Variants in ARSB observed in about 807,000 individuals in gnomAD.
ARSB encodes the protein N-acetylgalactosamine-4-sulfatase.
In ARSB, 41 loss-of-function variants were observed where a neutral mutation model predicts 50.9. The observed-to-expected ratio is 0.81, with a 90% CI of 0.63 to 1.04. The LOEUF is 1.04. Among genes scored for constraint, ARSB ranks in the 50% least tolerant of loss-of-function variants. ARSB has a pLI of 0.00. For synonymous variants in ARSB, 269 were observed against 284.8 expected (o/e 0.94, Z 0.56); for missense variants, 672 against 693.3 (o/e 0.97, Z 0.35).
At chr5:78,981,013 C>G (rs1296436603) in intron 1 of ARSB, among the ~76,000 whole-genome samples, 1 of 4,556 alleles carries the variant, frequency 2.2e-4, no homozygotes, top group Non-Finnish European at 3.4e-4. Flanking sequence ...TGCAGTGGCG[C>G]AATCTCGGCT....
At chr5:78,893,371 T>C (rs779374057) in intron 4 of ARSB, among the ~76,000 whole-genome samples, 3 of 152,150 alleles carry the variant, frequency 2.0e-5, no homozygotes, top group Non-Finnish European at 2.9e-5. Flanking sequence ...AAAAGATGCA[T>C]GCAGGGAAAG....
At position 78,841,132 on chromosome 5, in the gene ARSB, GTACTACTAC is replaced by G. The variant is rs71613989; in HGVS notation, c.1143-1715_1143-1707del. Among the ~76,000 whole-genome samples, 121 of 134,694 alleles carry G rather than the reference GTACTACTAC, an allele frequency of 9.0e-4. 2 individuals are homozygous for G. Among genetic ancestry groups the G allele is most frequent in the Non-Finnish European group, 5.8e-4 (37 of 63,646 alleles). The allele number at this position is 134,694 out of a possible 152,430, so 88.4% of individuals were successfully genotyped here. Reference sequence around the variant, plus strand: ...TAGGCAACATACTGAGACCTGGTCTGTACTACTACTACTACTACTACTACTACTACTACT... The same window carrying G: ...TAGGCAACATACTGAGACCTGGTCTGTACTACTACTACTACTACTACTACT... On this transcript the variant is annotated intron_variant, in intron 5 of 7. Coordinates refer to ENST00000264914, the MANE Select transcript of ARSB (RefSeq NM_000046.5).
At position 78,844,576 on chromosome 5, in the gene ARSB, T is replaced by C. The variant is rs1212495082; in HGVS notation, c.1143-5150A>G. On this transcript the variant is annotated intron_variant, in intron 5 of 7. Transcript: ENST00000264914. ...TCGACTTATGTATTTTCTCCTGTGTTGCTTTTATCTAAGAAACTACTGTCT... is the reference window on the plus strand; with the variant it reads ...TCGACTTATGTATTTTCTCCTGTGTCGCTTTTATCTAAGAAACTACTGTCT... Among the ~76,000 whole-genome samples the C allele has an allele frequency of 2.6e-5, 4 of 152,280 alleles. No homozygotes were observed. In the East Asian group the frequency reaches 7.7e-4, roughly 29 times the overall value.
At chr5:78,984,365 T>C (rs1481740100) in intron 1 of ARSB, among the ~76,000 whole-genome samples, 1 of 152,178 alleles carries the variant, frequency 6.6e-6, no homozygotes, top group Non-Finnish European at 1.5e-5. Context: ...TCAGAAGAGT[T>C]CAATACAAGG....
intron 5 of ARSB, among the ~76,000 whole-genome samples, chr5:78,848,905 G>A (rs1348939531): frequency 5.3e-5 from 5 of 94,926 alleles, no homozygotes; most frequent in African/African-American, 2.1e-4. Context: ...TTGCCCACTT[G>A]TTGATGGCGT....
intron 5 of ARSB, among the ~76,000 whole-genome samples, chr5:78,860,760 G>T (rs746275939): frequency 1.2e-3 from 186 of 152,140 alleles, no homozygotes; most frequent in African/African-American, 4.1e-3. Context: ...ATAACTAACA[G>T]CAGAGCAGAA....
intron 6 of ARSB, among the ~76,000 whole-genome samples, chr5:78,785,450 G>A (rs747499434): frequency 1.3e-5 from 2 of 152,136 alleles, no homozygotes; most frequent in African/African-American, 2.4e-5. Flanking sequence ...CAGTTACTGA[G>A]AGAGGTATGT....
Position 78,969,059 on chromosome 5 carries a change from C to A in ARSB, c.446G>T (p.Gly149Val). 2 of 1,614,174 alleles carry A rather than the reference C, an allele frequency of 1.2e-6. No homozygotes were observed. The highest frequency in any genetic ancestry group is 1.7e-6 in the Non-Finnish European group (2 of 1,180,030). The change falls in exon 2 of 8, where the codon GGA (glycine) becomes GTA (valine). Residue 149 changes from glycine to valine, a missense_variant. Coordinates refer to ENST00000264914, the MANE Select transcript of ARSB (RefSeq NM_000046.5). ...TTHMVGKWHLGMYRKECLPTR... is the reference protein window; with the variant it reads ...TTHMVGKWHLVMYRKECLPTR... ...TGGAAGGCATTCTTTCCGGTACATT[C>A]CCAGGTGCCATTTTCCGACCATATG... is the stretch of plus-strand genomic sequence containing the variant.
At chr5:78,843,387 G>A (rs762418152) in intron 5 of ARSB, among the ~76,000 whole-genome samples, 44 of 152,086 alleles carry the variant, frequency 2.9e-4, no homozygotes, top group Non-Finnish European at 4.7e-4. Flanking sequence ...ATCTTATTTG[G>A]ATTAGGGCTG....
At chr5:78,807,465 G>A (rs909191219) in intron 6 of ARSB, among the ~76,000 whole-genome samples, 7 of 152,172 alleles carry the variant, frequency 4.6e-5, no homozygotes, top group Non-Finnish European at 1.0e-4. Context: ...TCATTGGAGG[G>A]AGGCAAGTGA....
chr5:78,841,150 C>CTAATAA (rs1386977872), intron 5 of ARSB, among the ~76,000 whole-genome samples: 3 of 107,574 alleles, frequency 2.8e-5, no homozygotes, highest in African/African-American at 1.1e-4. Flanking sequence ...ACTACTACTA[C>CTAATAA]TACTACTACT....
intron 4 of ARSB, among the ~76,000 whole-genome samples, chr5:78,916,871 T>A (rs1212233887): frequency 2.0e-5 from 3 of 152,230 alleles, no homozygotes; most frequent in Non-Finnish European, 4.4e-5. Flanking sequence ...CAACTTGCTA[T>A]GTGCCAAGCA....
intron 6 of ARSB, among the ~76,000 whole-genome samples, chr5:78,837,209 G>A (rs1352725539): frequency 6.6e-6 from 1 of 152,188 alleles, no homozygotes; most frequent in African/African-American, 2.4e-5. Context: ...TCATTTGTAG[G>A]TGGAATTTAG....
chr5:78,831,459 T>C (rs1017723197), intron 6 of ARSB, among the ~76,000 whole-genome samples: 2 of 152,108 alleles, frequency 1.3e-5, no homozygotes, highest in African/African-American at 4.8e-5. Context: ...GCAAGGCTAA[T>C]GTGACTACTC....
intron 1 of ARSB, among the ~76,000 whole-genome samples, chr5:78,983,766 A>C (rs530278999): frequency 2.0e-5 from 3 of 152,254 alleles, no homozygotes; most frequent in African/African-American, 7.2e-5. Context: ...TCTTTATCAC[A>C]AGTAAGCCCT....
At chr5:78,958,915 TA>T (rs1751858756) in intron 3 of ARSB, among the ~76,000 whole-genome samples, 1 of 151,250 alleles carries the variant, frequency 6.6e-6, no homozygotes, top group Non-Finnish European at 1.5e-5. Flanking sequence ...CCACCTTGAC[TA>T]ATCAGATCAT....
chr5:78,875,428 T>C (rs1747436838), intron 5 of ARSB, among the ~76,000 whole-genome samples: 1 of 152,014 alleles, frequency 6.6e-6, no homozygotes, highest in Admixed American at 6.5e-5. Context: ...AAAATAATAT[T>C]AATAATATAC....
At chr5:78,944,055 T>G (rs1024993192) in intron 4 of ARSB, among the ~76,000 whole-genome samples, 1 of 152,244 alleles carries the variant, frequency 6.6e-6, no homozygotes, top group Admixed American at 6.5e-5. Flanking sequence ...TACCCTTTCT[T>G]CCAGTTGATC....
intron 5 of ARSB, among the ~76,000 whole-genome samples, chr5:78,872,759 T>G (rs1747274949): frequency 6.9e-6 from 1 of 145,632 alleles, no homozygotes; most frequent in African/African-American, 2.6e-5. Flanking sequence ...GGCACATGTA[T>G]ACATATGTAA....
Sources: gnomAD v4.1 joint callset for allele counts (sites outside exome capture counted in the v4.1 genomes callset) on GRCh38, gnomAD v4.1.1 for gene constraint, MANE v1.5 for transcripts, NCBI Gene and HGNC (gene_info 2026-07-23, HGNC 2026-07-21) for gene names.